LRP1B: variants seen among roughly 807,000 people sequenced by gnomAD.
LRP1B encodes low-density lipoprotein receptor-related protein 1B.
A neutral mutation model predicts 556.6 loss-of-function variants in LRP1B; 217 were observed. The observed-to-expected ratio is 0.39, with a 90% CI of 0.35 to 0.44. LRP1B has a LOEUF of 0.44. LRP1B is among the 20% of genes least tolerant of loss of function. The pLI, the probability that LRP1B is intolerant of heterozygous loss-of-function variation, is 1.00. For synonymous variants in LRP1B, 2,047 were observed against 1,865.8 expected (o/e 1.10, Z -2.50); for missense variants, 5,053 against 5,620.8 (o/e 0.90, Z 3.23).
chr2:140,943,857 G>T (rs960074427), intron 20 of LRP1B, among the ~76,000 whole-genome samples: 6 of 151,738 alleles, frequency 4.0e-5, no homozygotes, highest in Non-Finnish European at 7.4e-5. Context: ...TGACACATAA[G>T]GAACTAGAAA....
Position 141,547,543 on chromosome 2 carries a change from T to C in LRP1B, c.206-67010A>G, listed in dbSNP as rs545533580. On this transcript the variant is annotated intron_variant, in intron 2 of 90. Coordinates refer to ENST00000389484, the MANE Select transcript of LRP1B (RefSeq NM_018557.3). ...TTTACAAGCTGGTCTAAGGTACTTCTCTAGCTGTAACTGTTAGCATTCCCA... is the reference window on the plus strand; with the variant it reads ...TTTACAAGCTGGTCTAAGGTACTTCCCTAGCTGTAACTGTTAGCATTCCCA... Among the ~76,000 whole-genome samples, 24 of 152,300 alleles carry C rather than the reference T, an allele frequency of 1.6e-4. 1 individual carries two copies. Among genetic ancestry groups the C allele is most frequent in the African/African-American group, 5.5e-4 (23 of 41,582 alleles).
intron 7 of LRP1B, among the ~76,000 whole-genome samples, chr2:141,171,655 C>T (rs1349791229): frequency 1.3e-5 from 2 of 152,068 alleles, no homozygotes; most frequent in African/African-American, 2.4e-5. Context: ...GCCGACTCAT[C>T]GTGGCTGTGG....
At chr2:141,620,642 GA>G (rs1393178767) in intron 2 of LRP1B, among the ~76,000 whole-genome samples, 10 of 152,044 alleles carry the variant, frequency 6.6e-5, no homozygotes, top group African/African-American at 2.4e-4. Flanking sequence ...ATATTTTAAA[GA>G]AATATTTTCT....
intron 66 of LRP1B, among the ~76,000 whole-genome samples, chr2:140,420,097 C>T (rs960941849): frequency 6.7e-6 from 1 of 150,244 alleles, no homozygotes; most frequent in African/African-American, 2.4e-5. Flanking sequence ...AATATATGAG[C>T]CGATGCTAAA....
At chr2:140,416,137 C>T (rs765689729) in intron 66 of LRP1B, among the ~76,000 whole-genome samples, 13 of 152,124 alleles carry the variant, frequency 8.5e-5, no homozygotes, top group East Asian at 1.9e-4. Context: ...GCTCACGTTA[C>T]GACCTGAACT....
At chr2:140,648,673 C>T (rs1287519594) in intron 41 of LRP1B, among the ~76,000 whole-genome samples, 11 of 152,034 alleles carry the variant, frequency 7.2e-5, no homozygotes, top group Non-Finnish European at 1.5e-4. Context: ...ATGAAACATG[C>T]CACAGTCTGA....
chr2:141,812,965 ATG>A (rs1696407725), intron 1 of LRP1B, among the ~76,000 whole-genome samples: 1 of 152,118 alleles, frequency 6.6e-6, no homozygotes. Context: ...TCATGTGTAC[ATG>A]TGTCTGTGAG....
intron 3 of LRP1B, among the ~76,000 whole-genome samples, chr2:141,410,842 T>C (rs1320382979): frequency 6.6e-6 from 1 of 152,018 alleles, no homozygotes. Flanking sequence ...GGGTTTTACC[T>C]CCTATATCAG....
chr2:140,972,693 C>A (rs10204167), intron 18 of LRP1B, among the ~76,000 whole-genome samples: 111,187 of 151,312 alleles, frequency 0.73, 41,366 homozygotes, highest in Admixed American at 0.79. Context: ...AAGTTTCTGA[C>A]AATTTTAAGA....
rs1684914685 is a variant in LRP1B, at chr2:140,657,343, A to G, written c.6799+42907T>C. On this transcript the variant is annotated intron_variant, in intron 41 of 90. Coordinates refer to ENST00000389484, the MANE Select transcript of LRP1B (RefSeq NM_018557.3). The stretch of plus-strand genomic sequence containing the variant: ...TAACTGCCCTATTGAGAAAAGAGAA[A>G]GAGAGGCCCAGAAACTCACTGATTT... 2.0e-5 allele frequency among the ~76,000 whole-genome samples: 3 copies of G among 151,948 alleles called. No homozygotes were observed. The South Asian group carries it at 6.2e-4, about 32-fold the overall frequency.
At chr2:140,338,106 T>C (rs1681190153) in intron 77 of LRP1B, among the ~76,000 whole-genome samples, 1 of 151,772 alleles carries the variant, frequency 6.6e-6, no homozygotes, top group Admixed American at 6.6e-5. Flanking sequence ...GTACAAGTTA[T>C]ATTGATGACT....
At chr2:140,259,992 C>CA (rs1681861797) in intron 86 of LRP1B, among the ~76,000 whole-genome samples, 2 of 151,718 alleles carry the variant, frequency 1.3e-5, no homozygotes, top group African/African-American at 4.8e-5. Context: ...AAAAGATAAA[C>CA]AAAAAACAGA....
chr2:141,001,034 A>G lies in LRP1B; in HGVS notation c.2503+4301T>C, dbSNP rs1697405825. 3.9e-5 allele frequency among the ~76,000 whole-genome samples: 6 copies of G among 152,188 alleles called. No homozygotes were observed. The South Asian group carries it at 1.2e-3, about 32-fold the overall frequency. On this transcript the variant is annotated intron_variant, in intron 15 of 90. Coordinates refer to ENST00000389484, the MANE Select transcript of LRP1B (RefSeq NM_018557.3). ...ATGATCCACTAATTATGATCCACAT[A>G]ACCGAAATTAAAAAACCAAGTAGAA...
chr2:140,712,185 G>T (rs1382897442), intron 37 of LRP1B, among the ~76,000 whole-genome samples: 9 of 152,082 alleles, frequency 5.9e-5, no homozygotes, highest in African/African-American at 1.9e-4. Flanking sequence ...TTTTCCCGGA[G>T]TGGTCCTTAT....
At chr2:141,291,102 T>C (rs1685928448) in intron 3 of LRP1B, among the ~76,000 whole-genome samples, 1 of 152,170 alleles carries the variant, frequency 6.6e-6, no homozygotes, top group Non-Finnish European at 1.5e-5. Context: ...AGAAACATTA[T>C]TGATAGGTTT....
At chr2:142,050,227 A>T (rs966774383) in intron 1 of LRP1B, among the ~76,000 whole-genome samples, 1 of 152,196 alleles carries the variant, frequency 6.6e-6, no homozygotes, top group Admixed American at 6.5e-5. Context: ...TACATATTTT[A>T]TATGGCAATT....
intron 1 of LRP1B, among the ~76,000 whole-genome samples, chr2:142,049,717 A>G (rs985219314): frequency 6.6e-6 from 1 of 152,154 alleles, no homozygotes. Context: ...TACAGCAAGT[A>G]TTTGAAAGAG....
intron 25 of LRP1B, among the ~76,000 whole-genome samples, chr2:140,883,036 C>T (rs1488464300): frequency 6.6e-6 from 1 of 152,146 alleles, no homozygotes; most frequent in African/African-American, 2.4e-5. Flanking sequence ...TGTATATCAT[C>T]TCCTTAAAAA....
intron 2 of LRP1B, among the ~76,000 whole-genome samples, chr2:141,531,674 A>C (rs975161978): frequency 3.3e-5 from 5 of 152,206 alleles, no homozygotes; most frequent in African/African-American, 1.2e-4. Context: ...TTTGCAAAAC[A>C]AACTCATCAT....
Sources: gnomAD v4.1 joint callset for allele counts (sites outside exome capture counted in the v4.1 genomes callset) on GRCh38, gnomAD v4.1.1 for gene constraint, MANE v1.5 for transcripts, NCBI Gene and HGNC (gene_info 2026-07-23, HGNC 2026-07-21) for gene names.